Variants in MGAT5 observed in about 807,000 individuals in gnomAD.
MGAT5 encodes alpha-1,6-mannosylglycoprotein 6-beta-N-acetylglucosaminyltransferase A.
A neutral mutation model predicts 94.3 loss-of-function variants in MGAT5; 30 were observed. The ratio of observed to expected loss-of-function variants is 0.32; its 90% CI spans 0.24 to 0.43. The LOEUF (loss-of-function observed/expected upper bound fraction) is 0.43, where lower values mean the gene tolerates loss of function less well. MGAT5 is among the 20% of genes least tolerant of loss of function. MGAT5 has a pLI of 1.00. For synonymous variants in MGAT5, 310 were observed against 322.9 expected, an observed-to-expected ratio of 0.96 and a Z score of 0.43; for missense variants, 691 against 905.5, an observed-to-expected ratio of 0.76 and a Z score of 3.04.
intron 2 of MGAT5, among the ~76,000 whole-genome samples, chr2:134,270,996 A>G (rs1683992301): frequency 6.6e-6 from 1 of 152,172 alleles, no homozygotes; most frequent in African/African-American, 2.4e-5. Context: ...CTATGTATAT[A>G]TGGAGAAATA....
chr2:134,355,047 C>T (rs1010534065), intron 9 of MGAT5, among the ~76,000 whole-genome samples: 13 of 152,292 alleles, frequency 8.5e-5, no homozygotes, highest in African/African-American at 2.4e-4. Flanking sequence ...CCTCAACTCC[C>T]GACCATATTC....
At chr2:134,393,554 A>G (rs1232664356) in intron 10 of MGAT5, among the ~76,000 whole-genome samples, 1 of 152,190 alleles carries the variant, frequency 6.6e-6, no homozygotes, top group Admixed American at 6.5e-5. Flanking sequence ...CGTGCAGACA[A>G]TGAAGTCAAG....
chr2:134,180,863 G>A lies in MGAT5; in HGVS notation c.-143+60572G>A, dbSNP rs371940378. Among the ~76,000 whole-genome samples the A allele has an allele frequency of 2.0e-5, 3 of 152,252 alleles. No homozygotes were observed. In the South Asian group the frequency reaches 6.2e-4, roughly 32 times the overall value. On this transcript the variant is annotated intron_variant, in intron 1 of 16. Coordinates refer to the MGAT5 transcript ENST00000409645. ...TCTTTTATAGGGTGGAATAACCTTG[G>A]AAAGATGTTAATTTGTTTTTCTTTT...
intron 9 of MGAT5, among the ~76,000 whole-genome samples, chr2:134,358,291 GA>G (rs112045850): frequency 2.0e-5 from 3 of 150,526 alleles, no homozygotes; most frequent in Admixed American, 1.3e-4. Context: ...CACAAGCTTA[GA>G]AAAAAAGTCC....
intron 1 of MGAT5, among the ~76,000 whole-genome samples, chr2:134,120,778 G>A (rs1685535136): frequency 6.6e-6 from 1 of 151,946 alleles, no homozygotes; most frequent in South Asian, 2.1e-4. Flanking sequence ...TCGGCCAGGG[G>A]CCAGTGGGGA....
At chr2:134,141,484 ATGGG>A (rs919084430) in intron 1 of MGAT5, among the ~76,000 whole-genome samples, 1 of 49,848 alleles carries the variant, frequency 2.0e-5, no homozygotes, top group Non-Finnish European at 3.7e-5. Flanking sequence ...GGATGGATAG[ATGGG>A]TGGGTGGATG....
intron 2 of MGAT5, among the ~76,000 whole-genome samples, chr2:134,277,028 A>G (rs530266239): frequency 6.6e-6 from 1 of 152,210 alleles, no homozygotes; most frequent in Non-Finnish European, 1.5e-5. Context: ...GACTGTAGCC[A>G]CAAGCCATTT....
At chr2:134,189,814 A>AT (rs1005353099) in intron 1 of MGAT5, among the ~76,000 whole-genome samples, 2 of 151,680 alleles carry the variant, frequency 1.3e-5, no homozygotes, top group Non-Finnish European at 2.9e-5. Flanking sequence ...GTTGGCCAGG[A>AT]TGGTCTCCAT....
intron 12 of MGAT5, among the ~76,000 whole-genome samples, chr2:134,417,443 C>G (rs1425956521): frequency 6.6e-6 from 1 of 151,998 alleles, no homozygotes; most frequent in Non-Finnish European, 1.5e-5. Flanking sequence ...TTAGTCTCGT[C>G]TGATCTGTGC....
At chr2:134,253,062 A>T (rs1177543152), upstream of MGAT5, 4 of 152,366 alleles carry the variant, frequency 2.6e-5, no homozygotes, top group African/African-American at 9.6e-5. Flanking sequence ...GGATATAGCT[A>T]GAATTTATAA....
chr2:134,363,286 T>C (rs1191420070), intron 10 of MGAT5, among the ~76,000 whole-genome samples: 1 of 151,980 alleles, frequency 6.6e-6, no homozygotes, highest in Non-Finnish European at 1.5e-5. Flanking sequence ...GCTGAGGGAG[T>C]ACAGGTGATG....
chr2:134,379,386 G>A (rs2106192950), intron 10 of MGAT5, among the ~76,000 whole-genome samples: 1 of 152,328 alleles, frequency 6.6e-6, no homozygotes, highest in South Asian at 2.1e-4. Context: ...AAAGATAGGT[G>A]AGTCAGAGCT....
chr2:134,357,104 AG>A (rs1679793430), intron 9 of MGAT5, among the ~76,000 whole-genome samples: 1 of 152,226 alleles, frequency 6.6e-6, no homozygotes, highest in Admixed American at 6.5e-5. Context: ...GGCACATAGT[AG>A]GCATTCAGAA....
intron 4 of MGAT5, among the ~76,000 whole-genome samples, chr2:134,325,332 A>T (rs1193679871): frequency 6.6e-6 from 1 of 152,090 alleles, no homozygotes; most frequent in East Asian, 1.9e-4. Flanking sequence ...GTCTCATGTA[A>T]TTTCTATTGT....
intron 1 of MGAT5, among the ~76,000 whole-genome samples, chr2:134,246,237 G>C (rs1377566041): frequency 6.6e-6 from 1 of 151,306 alleles, no homozygotes; most frequent in Non-Finnish European, 1.5e-5. Flanking sequence ...TATTTCTTGG[G>C]CAGCACCCTG....
chr2:134,185,646 A>T (rs1244876535), intron 1 of MGAT5, among the ~76,000 whole-genome samples: 6 of 152,104 alleles, frequency 3.9e-5, no homozygotes, highest in Non-Finnish European at 7.4e-5. Flanking sequence ...TATCAGTGAT[A>T]TTTTTTTCAG....
At chr2:134,342,742 A>G (rs1055476020) in intron 7 of MGAT5, among the ~76,000 whole-genome samples, 2 of 139,100 alleles carry the variant, frequency 1.4e-5, no homozygotes, top group African/African-American at 5.4e-5. Flanking sequence ...AAAAAATTGG[A>G]TACACAACCT....
chr2:134,147,628 ACAG>A (rs1452224464), intron 1 of MGAT5, among the ~76,000 whole-genome samples: 5 of 151,678 alleles, frequency 3.3e-5, no homozygotes, highest in African/African-American at 7.3e-5. Flanking sequence ...AAAAAAAGGA[ACAG>A]CCTCTAATGG....
chr2:134,372,271 C>A (rs1481258692), intron 10 of MGAT5, among the ~76,000 whole-genome samples: 1 of 152,234 alleles, frequency 6.6e-6, no homozygotes, highest in Non-Finnish European at 1.5e-5. Flanking sequence ...GTGCTCCGGG[C>A]CTTTGCTTCC....
Sources: allele counts gnomAD v4.1 joint callset (sites outside exome capture counted in the v4.1 genomes callset), GRCh38; gene constraint gnomAD v4.1.1; transcripts MANE v1.5; gene names NCBI Gene and HGNC (gene_info 2026-07-23, HGNC 2026-07-21).